SUSD4: variants seen among roughly 807,000 people sequenced by gnomAD.
SUSD4 encodes sushi domain containing 4, also known as sushi domain-containing protein 4.
In SUSD4, 41 loss-of-function variants were observed where a neutral mutation model predicts 50.5. The ratio of observed to expected loss-of-function variants is 0.81; its 90% CI spans 0.63 to 1.05. SUSD4 has a LOEUF of 1.05. Among genes scored for constraint, SUSD4 ranks in the 50% least tolerant of loss-of-function variants. SUSD4 has a pLI of 0.00. For synonymous variants in SUSD4, 257 were observed against 257.3 expected, an observed-to-expected ratio of 1.00 and a Z score of 0.01; for missense variants, 580 against 634.7, an observed-to-expected ratio of 0.91 and a Z score of 0.93.
chr1:223,363,283 G>A lies in SUSD4; in HGVS notation c.143C>T (p.Thr48Met), dbSNP rs1030403594. 5.0e-6 allele frequency: 8 copies of A among 1,596,946 alleles called. No homozygotes were observed. Among genetic ancestry groups the A allele is most frequent in the Non-Finnish European group, 6.0e-6 (7 of 1,171,026 alleles). The change falls in exon 2 of 9, where the codon ACG becomes ATG. Residue 48 changes from threonine to methionine, a missense_variant. Physicochemically the swap from Thr to Met is moderately conservative, Grantham distance 81. Coordinates refer to ENST00000366878, the MANE Select transcript of SUSD4 (RefSeq NM_017982.4). ...ACCACAGCTGGGTCACTCACCGCCC[G>A]TGAGCTGTGCAGGGCCGAAGCACAG... ...LALCFGPAQLTGGFDDLQVCA... is the reference protein window; with the variant it reads ...LALCFGPAQLMGGFDDLQVCA...
chr1:223,341,870 C>G (rs1667778714), intron 2 of SUSD4, among the ~76,000 whole-genome samples: 1 of 151,912 alleles, frequency 6.6e-6, no homozygotes, highest in East Asian at 1.9e-4. Flanking sequence ...CACCATGCCT[C>G]CTGCTTGCCT....
At chr1:223,246,587 T>C (rs868404632) in intron 5 of SUSD4, among the ~76,000 whole-genome samples, 26 of 152,102 alleles carry the variant, frequency 1.7e-4, no homozygotes, top group African/African-American at 6.0e-4. Flanking sequence ...AGATGTGATC[T>C]TCCACATGAG....
chr1:223,326,356 T>C (rs775423365), intron 2 of SUSD4, among the ~76,000 whole-genome samples: 2 of 152,192 alleles, frequency 1.3e-5, no homozygotes, highest in East Asian at 3.9e-4. Flanking sequence ...CAACTCAAGA[T>C]GGATGAAAGA....
In SUSD4 at chr1:223,227,480, C is replaced by G. The variant is rs1263621558; in HGVS notation, c.1061+114G>C. On this transcript the variant is annotated intron_variant, in intron 7 of 8. Coordinates refer to ENST00000366878, the MANE Select transcript of SUSD4 (RefSeq NM_017982.4). The surrounding 1 kb of genome is among the most constrained non-coding windows in gnomAD (Gnocchi z 4.5). ...CATCCCAGAACATTGTTTTTGCTCT[C>G]CCCTGTTTCCCTTTAGAGCTTCAAC... 3.6e-6 allele frequency: 5 copies of G among 1,380,140 alleles called. No homozygotes were observed. The African/African-American group carries it at 5.7e-5, about 16-fold the overall frequency. 85.5% of individuals were successfully genotyped at this position (1,380,140 alleles called of 1,614,324 possible). A position where few individuals can be genotyped will look rare whatever the true frequency, so the allele number is the denominator to read the frequency against.
intron 1 of SUSD4, chr1:223,363,831 A>C (rs1572151415): frequency 6.2e-6 from 1 of 162,190 alleles, no homozygotes; most frequent in Non-Finnish European, 1.3e-5. Flanking sequence ...TATACATTTC[A>C]CTCTGGGAAT....
chr1:223,276,238 G>A (rs1371355413), intron 3 of SUSD4, among the ~76,000 whole-genome samples: 2 of 152,240 alleles, frequency 1.3e-5, no homozygotes, highest in Non-Finnish European at 2.9e-5. Flanking sequence ...GTCACTGTGC[G>A]ACCTTTATAC....
intron 2 of SUSD4, among the ~76,000 whole-genome samples, chr1:223,294,637 T>C (rs939520662): frequency 6.6e-6 from 1 of 152,166 alleles, no homozygotes; most frequent in African/African-American, 2.4e-5. Context: ...GGAAAAGCCA[T>C]TCGAAGGCAG....
intron 5 of SUSD4, among the ~76,000 whole-genome samples, chr1:223,233,554 A>T (rs1660026175): frequency 6.6e-6 from 1 of 152,158 alleles, no homozygotes; most frequent in African/African-American, 2.4e-5. Context: ...AGACAGACAG[A>T]CAGACGGATG....
At chr1:223,345,458 C>A (rs911782300) in intron 2 of SUSD4, among the ~76,000 whole-genome samples, 14 of 151,888 alleles carry the variant, frequency 9.2e-5, no homozygotes, top group African/African-American at 3.1e-4. Flanking sequence ...TCTGATCATG[C>A]GCTTATTAAG....
intron 5 of SUSD4, among the ~76,000 whole-genome samples, chr1:223,245,635 C>T (rs1050757207): frequency 1.3e-5 from 2 of 152,132 alleles, no homozygotes; most frequent in African/African-American, 4.8e-5. Flanking sequence ...TGGGAACTGG[C>T]ATATTTCTTA....
At chr1:223,291,585 T>C (rs1379437259) in intron 3 of SUSD4, among the ~76,000 whole-genome samples, 6 of 151,646 alleles carry the variant, frequency 4.0e-5, no homozygotes, top group Non-Finnish European at 5.9e-5. Flanking sequence ...AGTTTCCATA[T>C]TATTATAAAA....
chr1:223,270,327 C>T (rs1399633361), intron 3 of SUSD4, among the ~76,000 whole-genome samples: 1 of 152,188 alleles, frequency 6.6e-6, no homozygotes, highest in Non-Finnish European at 1.5e-5. Flanking sequence ...CCTGCGCACA[C>T]ACCTGGCGAA....
At chr1:223,341,844 A>G (rs891837829) in intron 2 of SUSD4, among the ~76,000 whole-genome samples, 7 of 151,900 alleles carry the variant, frequency 4.6e-5, no homozygotes, top group Non-Finnish European at 8.8e-5. Flanking sequence ...CATTTCACCC[A>G]TCTGCCAACA....
At chr1:223,347,492 G>C (rs1668098343) in intron 2 of SUSD4, among the ~76,000 whole-genome samples, 2 of 151,946 alleles carry the variant, frequency 1.3e-5, no homozygotes, top group Non-Finnish European at 2.9e-5. Flanking sequence ...CTGATTATGT[G>C]CCCAACATCT....
chr1:223,284,012 A>G (rs956309565), intron 3 of SUSD4, among the ~76,000 whole-genome samples: 1 of 150,526 alleles, frequency 6.6e-6, no homozygotes, highest in African/African-American at 2.4e-5. Flanking sequence ...ATTCTCACTC[A>G]TAGGTGGGAA....
chr1:223,282,395 A>G (rs1011627027), intron 3 of SUSD4, among the ~76,000 whole-genome samples: 58 of 152,364 alleles, frequency 3.8e-4, no homozygotes, highest in Non-Finnish European at 7.1e-4. Flanking sequence ...GCAAAGTCTC[A>G]GGATACAAAA....
intron 2 of SUSD4, among the ~76,000 whole-genome samples, chr1:223,325,915 G>A (rs747780000): frequency 6.6e-6 from 1 of 152,142 alleles, no homozygotes; most frequent in South Asian, 2.1e-4. Context: ...TGGATGGGAG[G>A]AATCAATACT....
At chr1:223,339,961 C>T (rs188552246) in intron 2 of SUSD4, among the ~76,000 whole-genome samples, 1 of 152,334 alleles carries the variant, frequency 6.6e-6, no homozygotes, top group East Asian at 1.9e-4. Flanking sequence ...ACCGGCTCCG[C>T]TCTGGCAGAA....
At chr1:223,262,504 T>A (rs563422474) in intron 5 of SUSD4, among the ~76,000 whole-genome samples, 25 of 152,328 alleles carry the variant, frequency 1.6e-4, no homozygotes, top group African/African-American at 6.0e-4. Context: ...TAAGGCACCA[T>A]CTTTTAAAAA....
Sources: allele counts gnomAD v4.1 joint callset (sites outside exome capture counted in the v4.1 genomes callset), GRCh38; gene constraint gnomAD v4.1.1; non-coding constraint Gnocchi (gnomAD v3.1); transcripts MANE v1.5; gene names NCBI Gene and HGNC (gene_info 2026-07-23, HGNC 2026-07-21).